GABRR3: variants seen among roughly 807,000 people sequenced by gnomAD.
GABRR3 encodes gamma-aminobutyric acid receptor subunit rho-3.
In GABRR3, 29 loss-of-function variants were observed where a neutral mutation model predicts 43.2. That is an observed-to-expected ratio of 0.67 (90% CI 0.50 to 0.92). GABRR3 has a LOEUF of 0.92. Ranked by LOEUF, GABRR3 falls within the 40% of genes least tolerant of loss-of-function variation. The probability of loss-of-function intolerance (pLI) is 0.00; values close to 1 mark genes in which losing one functional copy is unlikely to be tolerated. For missense variants in GABRR3, 576 were observed against 572.3 expected (o/e 1.01, Z -0.07); for synonymous variants, 206 against 195.9 (o/e 1.05, Z -0.43).
At chr3:98,001,535 C>A in intron 8 of GABRR3, 80 bp downstream of exon 8, 1 of 1,460,170 alleles carries the variant, frequency 6.8e-7, no homozygotes, top group South Asian at 1.2e-5. Context: ...CTCTTTTCCT[C>A]TCCATGTATG....
chr3:98,000,675 C>T (rs1372787982), intron 8 of GABRR3: 1 of 152,010 alleles, frequency 6.6e-6, no homozygotes, highest in South Asian at 2.1e-4. Context: ...ACAAACCACC[C>T]TTTCTGGAAT....
rs773434376 is a variant in GABRR3, at chr3:98,025,564, C to G, written c.238+3G>C. On this transcript the variant is annotated splice_donor_region_variant and intron_variant, in intron 3 of 9. Transcript: ENST00000621172. ...AAATGAATTTTGAGAGGATAATACT[C>G]ACCTCCAAATCCAGGTCTCATTGCG... is the stretch of plus-strand genomic sequence containing the variant. 29 of 1,589,888 alleles carry G rather than the reference C, an allele frequency of 1.8e-5. No homozygotes were observed. Among genetic ancestry groups the G allele is most frequent in the Non-Finnish European group, 1.0e-5 (12 of 1,163,856 alleles).
chr3:98,002,633 A>G (rs1251161179), intron 7 of GABRR3, among the ~76,000 whole-genome samples: 1 of 152,124 alleles, frequency 6.6e-6, no homozygotes, highest in African/African-American at 2.4e-5. Context: ...ATTTCACAAT[A>G]ACTATGTGCT....
At chr3:98,004,574 G>C (rs1706699487) in intron 7 of GABRR3, among the ~76,000 whole-genome samples, 1 of 151,206 alleles carries the variant, frequency 6.6e-6, no homozygotes, top group African/African-American at 2.4e-5. Context: ...ATGATTTTGA[G>C]AATTTTGAGA....
At chr3:98,000,596 T>C (rs541554456) in intron 8 of GABRR3, 1 of 152,276 alleles carries the variant, frequency 6.6e-6, no homozygotes, top group East Asian at 1.9e-4. Flanking sequence ...GAGCAAATTG[T>C]TAATATTAAT....
chr3:98,005,429 T>C (rs1455145379), intron 7 of GABRR3, among the ~76,000 whole-genome samples: 2 of 152,034 alleles, frequency 1.3e-5, no homozygotes, highest in Non-Finnish European at 2.9e-5. Flanking sequence ...CTAATTCTAA[T>C]TTTTTTTCAT....
At chr3:98,004,203 T>C (rs1706693364) in intron 7 of GABRR3, among the ~76,000 whole-genome samples, 1 of 152,106 alleles carries the variant, frequency 6.6e-6, no homozygotes, top group African/African-American at 2.4e-5. Context: ...AGGATCAAAA[T>C]AATGTGGATG....
In GABRR3 at chr3:98,012,351, T is replaced by C; in HGVS notation, c.523A>G (p.Ser175Gly). The C allele has an allele frequency of 2.5e-6, 4 of 1,613,344 alleles. No individual in the cohort carries two copies. The East Asian group carries it at 8.9e-5, about 36-fold the overall frequency. ...ATAGGCAGCTTTCCTTACCTGAGAC[T>C]TAGGAGGACGTTTCCATCAGGGTGT... is the stretch of plus-strand genomic sequence containing the variant. The change falls in exon 5 of 10, where the codon AGT (serine) becomes GGT (glycine). Residue 175 changes from serine (S) to glycine (G), a missense_variant. Ser to Gly is a moderately conservative substitution (Grantham distance 56, BLOSUM62 0). Coordinates refer to ENST00000621172, the Ensembl canonical transcript of GABRR3.
intron 3 of GABRR3, among the ~76,000 whole-genome samples, chr3:98,019,912 A>G (rs2107244834): frequency 6.6e-6 from 1 of 152,340 alleles, no homozygotes; most frequent in South Asian, 2.1e-4. Context: ...TTGATTAAGC[A>G]TTAACTTGGG....
At chr3:98,003,784 C>T (rs532018541) in intron 7 of GABRR3, among the ~76,000 whole-genome samples, 1 of 152,218 alleles carries the variant, frequency 6.6e-6, no homozygotes, top group Admixed American at 6.5e-5. Flanking sequence ...AGCTGCACCC[C>T]CTAGCTACCA....
chr3:98,003,332 T>C (rs532757217), intron 7 of GABRR3, among the ~76,000 whole-genome samples: 2 of 151,904 alleles, frequency 1.3e-5, no homozygotes, highest in South Asian at 4.2e-4. Context: ...TTAAGGTATA[T>C]AGTTTTCTGT....
At chr3:98,026,661 G>A (rs1326282228) in intron 2 of GABRR3, among the ~76,000 whole-genome samples, 2 of 113,510 alleles carry the variant, frequency 1.8e-5, no homozygotes, top group East Asian at 2.9e-4. Context: ...TGGGCAGCAG[G>A]AGCAATAACG....
chr3:98,019,236 G>A (rs1278263626), intron 3 of GABRR3, among the ~76,000 whole-genome samples: 1 of 152,190 alleles, frequency 6.6e-6, no homozygotes, highest in African/African-American at 2.4e-5. Flanking sequence ...CTGAGGCTAC[G>A]TAATGCCTGG....
chr3:98,033,351 G>C (rs949081575), intron 2 of GABRR3, among the ~76,000 whole-genome samples: 7 of 152,118 alleles, frequency 4.6e-5, no homozygotes, highest in African/African-American at 1.7e-4. Flanking sequence ...GTCTGCTTTT[G>C]CATAGGCTCT....
At chr3:98,010,757 T>A (rs548231599) in intron 5 of GABRR3, among the ~76,000 whole-genome samples, 1 of 152,324 alleles carries the variant, frequency 6.6e-6, no homozygotes, top group East Asian at 1.9e-4. Flanking sequence ...CTGATTCCTG[T>A]TGAGACTTGA....
chr3:98,027,900 C>A (rs936322736), intron 2 of GABRR3, among the ~76,000 whole-genome samples: 2 of 151,956 alleles, frequency 1.3e-5, no homozygotes, highest in African/African-American at 4.8e-5. Context: ...TTTAAAGATA[C>A]CTGAACAAGC....
At chr3:98,027,423 T>G (rs973963975) in intron 2 of GABRR3, among the ~76,000 whole-genome samples, 2 of 152,346 alleles carry the variant, frequency 1.3e-5, no homozygotes, top group African/African-American at 4.8e-5. Flanking sequence ...TCATGAAAAT[T>G]TGTAAACCTC....
At chr3:98,012,369 C>T in exon 5 of GABRR3, 1 of 1,613,854 alleles carries the variant, frequency 6.2e-7, no homozygotes, top group Non-Finnish European at 8.5e-7. Flanking sequence ...ACGTTTCCAT[C>T]AGGGTGTACG....
chr3:98,001,619 G>C (rs1402192488), exon 8 of GABRR3: 5 of 1,612,764 alleles, frequency 3.1e-6, no homozygotes, highest in Non-Finnish European at 4.2e-6. Context: ...ATTTACCCAG[G>C]GAAACTCTTG....
Sources: gnomAD v4.1 joint callset for allele counts (sites outside exome capture counted in the v4.1 genomes callset) on GRCh38, gnomAD v4.1.1 for gene constraint, MANE v1.5 for transcripts, NCBI Gene and HGNC (gene_info 2026-07-23, HGNC 2026-07-21) for gene names.